THADA: variants seen among roughly 807,000 people sequenced by gnomAD.
THADA encodes the protein THADA armadillo repeat containing.
THADA carries 213 observed loss-of-function variants against 219.8 expected under a neutral mutation model. The observed-to-expected ratio is 0.97, with a 90% CI of 0.87 to 1.09. THADA has a LOEUF of 1.09. Among genes scored for constraint, THADA ranks in the 50% least tolerant of loss-of-function variants. The pLI, the probability that THADA is intolerant of heterozygous loss-of-function variation, is 0.00. For missense variants in THADA, 2,956 were observed against 2,311.3 expected, an observed-to-expected ratio of 1.28 and a Z score of -5.72; for synonymous variants, 1,018 against 828.9, an observed-to-expected ratio of 1.23 and a Z score of -3.92.
At position 43,347,578 on chromosome 2, in the gene THADA, T is replaced by G. The variant is rs192220209; in HGVS notation, c.4228-3341A>C. ...TTAGTTAATAATAATGTGTAAATAC[T>G]GCTTCATTAATTGTAACAAATGCAC... On this transcript the variant is annotated intron_variant, in intron 29 of 37. Transcript: ENST00000405975. Among the ~76,000 whole-genome samples, 218 of 152,350 alleles carry G rather than the reference T, an allele frequency of 1.4e-3. 1 individual carries two copies. Among genetic ancestry groups the G allele is most frequent in the African/African-American group, 5.0e-3 (207 of 41,584 alleles).
At chr2:43,568,623 G>C (rs531117729) in intron 14 of THADA, among the ~76,000 whole-genome samples, 241 of 152,216 alleles carry the variant, frequency 1.6e-3, no homozygotes, top group African/African-American at 5.6e-3. Context: ...CCAAGTACCT[G>C]AGTTTTCACA....
At chr2:43,401,261 C>T (rs571547233) in intron 28 of THADA, among the ~76,000 whole-genome samples, 18 of 152,280 alleles carry the variant, frequency 1.2e-4, no homozygotes, top group African/African-American at 3.9e-4. Flanking sequence ...GTCCTCAATA[C>T]TGTGTGACAT....
At chr2:43,344,080 TA>T in intron 30 of THADA, 41 bp downstream of exon 30, 1 of 1,410,252 alleles carries the variant, frequency 7.1e-7, no homozygotes, top group Non-Finnish European at 9.9e-7. Context: ...AATGTATTCC[TA>T]ACCCCTGATA....
chr2:43,342,060 C>T (rs1667120358), intron 30 of THADA, among the ~76,000 whole-genome samples: 1 of 152,142 alleles, frequency 6.6e-6, no homozygotes, highest in African/African-American at 2.4e-5. Flanking sequence ...AAAAACCCCA[C>T]AAAAATTAGC....
rs1676143409 is a variant in THADA, at chr2:43,410,448, C to A, written c.4059-12309G>T. The stretch of plus-strand genomic sequence containing the variant: ...GAGACTCGTGCATGATTGTTCCTAG[C>A]AAGTTATTTGTTACTAGTTGATGGA... On this transcript the variant is annotated intron_variant, in intron 28 of 37. Transcript: ENST00000405975. Among the ~76,000 whole-genome samples the A allele has an allele frequency of 2.0e-5, 3 of 152,154 alleles. No homozygotes were observed. The South Asian group carries it at 6.2e-4, about 31-fold the overall frequency.
intron 22 of THADA, among the ~76,000 whole-genome samples, chr2:43,516,153 C>A (rs913116598): frequency 2.6e-5 from 4 of 152,178 alleles, no homozygotes; most frequent in African/African-American, 9.7e-5. Flanking sequence ...TATCTCTTTT[C>A]TGTAGTATAG....
At chr2:43,264,807 T>A (rs2104228959) in intron 36 of THADA, among the ~76,000 whole-genome samples, 1 of 152,262 alleles carries the variant, frequency 6.6e-6, no homozygotes, top group African/African-American at 2.4e-5. Flanking sequence ...AGGTCAGCGC[T>A]TTGGAAGATT....
chr2:43,421,134 G>T (rs1677666786), intron 28 of THADA, among the ~76,000 whole-genome samples: 1 of 152,166 alleles, frequency 6.6e-6, no homozygotes, highest in African/African-American at 2.4e-5. Flanking sequence ...TACATGTTTT[G>T]CAAGTTTGGC....
At position 43,572,917 on chromosome 2, in the gene THADA, C is replaced by T. The variant is rs1464543802; in HGVS notation, c.1805G>A (p.Arg602Gln). The T allele has an allele frequency of 8.1e-6, 13 of 1,613,796 alleles. No homozygotes were observed. The highest frequency in any genetic ancestry group is 3.3e-5 in the Admixed American group (2 of 59,992). ...AAGATGTCCATGAGCTCTAGCTATT[C>T]GCAGACATGCCATCAAAGCTCCCAG... ...GALGALMACL[R>Q]IARAHGHLQS... Residue 602 changes from arginine to glutamine, a missense_variant, in exon 12 of 38, where the codon CGA becomes CAA. Coordinates refer to ENST00000405975, the MANE Select transcript of THADA (RefSeq NM_022065.5).
intron 8 of THADA, 74 bp from the exon 9 acceptor site, chr2:43,578,681 A>G: frequency 9.2e-7 from 1 of 1,090,810 alleles, no homozygotes; most frequent in East Asian, 2.6e-5. Flanking sequence ...GCAGATGCTG[A>G]GCAGCCAGAT....
At chr2:43,487,775 G>T (rs547333327) in intron 25 of THADA, among the ~76,000 whole-genome samples, 13 of 152,286 alleles carry the variant, frequency 8.5e-5, no homozygotes, top group African/African-American at 3.1e-4. Flanking sequence ...CTATGAACCA[G>T]AAAGTAGGCC....
At chr2:43,244,960 G>C (rs1224207069) in intron 36 of THADA, among the ~76,000 whole-genome samples, 1 of 152,170 alleles carries the variant, frequency 6.6e-6, no homozygotes, top group Non-Finnish European at 1.5e-5. Flanking sequence ...CAGTGACGGA[G>C]GCTTCCACAG....
chr2:43,318,372 G>A (rs925352144), intron 31 of THADA, among the ~76,000 whole-genome samples: 1 of 151,948 alleles, frequency 6.6e-6, no homozygotes, highest in Non-Finnish European at 1.5e-5. Flanking sequence ...TAAAAGAAAC[G>A]GGTAAAATTA....
intron 29 of THADA, among the ~76,000 whole-genome samples, chr2:43,358,956 A>G (rs1669181707): frequency 6.6e-6 from 1 of 152,228 alleles, no homozygotes; most frequent in South Asian, 2.1e-4. Flanking sequence ...TTTATAAGGG[A>G]AAAAATGATT....
intron 26 of THADA, among the ~76,000 whole-genome samples, chr2:43,433,894 G>T (rs1444801376): frequency 6.6e-6 from 1 of 152,146 alleles, no homozygotes; most frequent in Admixed American, 6.5e-5. Context: ...TCACTATGTT[G>T]GCCAGGCTGG....
chr2:43,293,449 A>G (rs547251991), intron 31 of THADA, among the ~76,000 whole-genome samples: 13 of 152,300 alleles, frequency 8.5e-5, no homozygotes, highest in African/African-American at 3.1e-4. Context: ...TTACTATTAG[A>G]AAATGCGTTC....
chr2:43,488,494 G>A (rs1466070821), intron 25 of THADA, among the ~76,000 whole-genome samples: 1 of 152,106 alleles, frequency 6.6e-6, no homozygotes, highest in East Asian at 1.9e-4. Flanking sequence ...CCCCCATGTT[G>A]TAGCATGTAT....
intron 21 of THADA, among the ~76,000 whole-genome samples, chr2:43,537,063 A>G (rs1694702335): frequency 6.6e-6 from 1 of 152,170 alleles, no homozygotes; most frequent in South Asian, 2.1e-4. Flanking sequence ...AAAAGTTTAC[A>G]CTCCAGTAAA....
intron 30 of THADA, among the ~76,000 whole-genome samples, chr2:43,323,656 A>G (rs1679003681): frequency 6.6e-6 from 1 of 152,214 alleles, no homozygotes; most frequent in African/African-American, 2.4e-5. Context: ...TACTGACCTG[A>G]GAATTTTGAC....
Sources: gnomAD v4.1 joint callset for allele counts (sites outside exome capture counted in the v4.1 genomes callset) on GRCh38, gnomAD v4.1.1 for gene constraint, MANE v1.5 for transcripts, NCBI Gene and HGNC (gene_info 2026-07-23, HGNC 2026-07-21) for gene names.